Variants in REV3L observed in about 807,000 individuals in gnomAD.
The protein encoded by REV3L is DNA polymerase zeta catalytic subunit.
Under a neutral mutation model 299.4 loss-of-function variants are expected in REV3L, and 69 were observed. The ratio of observed to expected loss-of-function variants is 0.23; its 90% confidence interval spans 0.19 to 0.28. The LOEUF is 0.28. Ranked by LOEUF, REV3L falls within the 10% of genes least tolerant of loss-of-function variation. The pLI is 1.00. For missense variants in REV3L, 3,128 were observed against 3,693.8 expected, an observed-to-expected ratio of 0.85 and a Z score of 3.97; for synonymous variants, 1,238 against 1,271.4, an observed-to-expected ratio of 0.97 and a Z score of 0.56.
intron 26 of REV3L, among the ~76,000 whole-genome samples, chr6:111,318,189 G>A (rs1014689905): frequency 6.6e-6 from 1 of 151,782 alleles, no homozygotes; most frequent in Non-Finnish European, 1.5e-5. Context: ...CTGAGTTCAC[G>A]CCATTCTCCT....
rs1379330829 is a variant in REV3L, at chr6:111,367,361, C to A, written c.6427G>T (p.Asp2143Tyr). Residue 2143 changes from aspartate to tyrosine, a missense_variant, in exon 14 of 32, where the codon GAT becomes TAT. Coordinates refer to ENST00000368802, the MANE Select transcript of REV3L (RefSeq NM_001372078.1). ...SPDSKALNGD[D>Y]RPSSPVEELP... ...TCCTCTACTGGTGATGAGGGTCTAT[C>A]ATCTCCATTTAATGCTTTGGAATCT... The A allele has an allele frequency of 1.2e-6, 2 of 1,607,468 alleles. No individual in the cohort carries two copies.
Position 111,449,213 on chromosome 6 carries a change from G to C in REV3L, c.140-32741C>G, listed in dbSNP as rs909896002. 1.6e-4 allele frequency among the ~76,000 whole-genome samples: 25 copies of C among 152,316 alleles called. No individual in the cohort carries two copies. The East Asian group carries it at 4.2e-3, about 26-fold the overall frequency. On this transcript the variant is annotated intron_variant, in intron 1 of 31. Transcript: ENST00000368802. ...ATTAGACATTGGCCAGCATAGGACA[G>C]TAATCCCTGAGAGACGGGAAACAAA...
At chr6:111,314,385 A>G (rs1204246422) in intron 27 of REV3L, among the ~76,000 whole-genome samples, 2 of 152,184 alleles carry the variant, frequency 1.3e-5, no homozygotes, top group Non-Finnish European at 2.9e-5. Flanking sequence ...AGCCTGGGTC[A>G]TACAAAACAA....
At chr6:111,344,599 CG>C (rs1562155029) in intron 20 of REV3L, among the ~76,000 whole-genome samples, 1 of 152,052 alleles carries the variant, frequency 6.6e-6, no homozygotes, top group Non-Finnish European at 1.5e-5. Context: ...GTTCCAAATA[CG>C]TAAGTGAAAG....
At chr6:111,423,551 T>A (rs34382476) in intron 1 of REV3L, among the ~76,000 whole-genome samples, 8,599 of 152,056 alleles carry the variant, frequency 0.057, 282 homozygotes, top group Middle Eastern at 0.085. Context: ...TGTGTGTGTG[T>A]GAGAGAAAGT....
At chr6:111,321,655 A>G (rs1191300194) in intron 26 of REV3L, among the ~76,000 whole-genome samples, 2 of 152,216 alleles carry the variant, frequency 1.3e-5, no homozygotes, top group Non-Finnish European at 2.9e-5. Flanking sequence ...TTCAGCATTA[A>G]TATGATTATG....
Position 111,479,504 on chromosome 6 carries a change from C to T in REV3L, c.139+3246G>A, listed in dbSNP as rs537616381. Among the ~76,000 whole-genome samples, 7 of 144,738 alleles carry T rather than the reference C, an allele frequency of 4.8e-5. No homozygotes were observed. In the East Asian group the frequency reaches 6.1e-4, roughly 13 times the overall value. 95.0% of individuals were successfully genotyped at this position (144,738 alleles called of 152,430 possible). A position where few individuals can be genotyped will look rare whatever the true frequency, so the allele number is the denominator to read the frequency against. On this transcript the variant is annotated intron_variant, in intron 1 of 31. Transcript: ENST00000368802. The stretch of plus-strand genomic sequence containing the variant: ...TACCATTCAAATCTGAATATCCCCC[C>T]CCGCCTTTTTTTTTTTTTTTTTTAA...
chr6:111,331,630 A>G (rs909008706), intron 24 of REV3L, 46 bp downstream of exon 24: 8 of 1,357,646 alleles, frequency 5.9e-6, no homozygotes, highest in Non-Finnish European at 7.3e-6. Flanking sequence ...CAGCTCTCCA[A>G]AAGTTAAGCC....
In REV3L at chr6:111,480,176, A is replaced by G. The variant is rs1019161529; in HGVS notation, c.139+2574T>C. On this transcript the variant is annotated intron_variant, in intron 1 of 31. Coordinates refer to ENST00000368802, the MANE Select transcript of REV3L (RefSeq NM_001372078.1). ...AAAGTAAAGCATTAAGGACCTCCCA[A>G]AGTAATTCTTATATATGAAAAAAGT... 2.0e-5 allele frequency among the ~76,000 whole-genome samples: 3 copies of G among 152,220 alleles called. No homozygotes were observed. In the South Asian group the frequency reaches 6.2e-4, roughly 31 times the overall value.
Position 111,380,315 on chromosome 6 carries a change from A to C in REV3L, c.1217-96T>G, listed in dbSNP as rs1780703735. Reference sequence around the variant, plus strand: ...CTCACCCAGGCTGGAGTTGGAGTGCAGTGGCGTGATCTAGGCTCACTGCAA... The same window carrying C: ...CTCACCCAGGCTGGAGTTGGAGTGCCGTGGCGTGATCTAGGCTCACTGCAA... On this transcript the variant is annotated intron_variant, in intron 10 of 31. Transcript: ENST00000368802. 4 of 849,830 alleles carry C rather than the reference A, an allele frequency of 4.7e-6. No homozygotes were observed. In the Admixed American group the frequency reaches 9.2e-5, roughly 20 times the overall value. 52.6% of individuals were successfully genotyped at this position (849,830 alleles called of 1,614,324 possible). A position where few individuals can be genotyped will look rare whatever the true frequency, so the allele number is the denominator to read the frequency against.
chr6:111,367,953 G>A lies in REV3L; in HGVS notation c.5835C>T (p.Ser1945=), dbSNP rs2115035023. The part of the protein sequence containing the change: ...NDLAEFEGDF[S]LEGLRLWKTA... ...TTTTCCAAAGACGAAGTCCTTCCAAGGAAAAGTCTCCCTCAAACTCAGCCA... is the reference window on the plus strand; with the variant it reads ...TTTTCCAAAGACGAAGTCCTTCCAAAGAAAAGTCTCCCTCAAACTCAGCCA... The change falls in exon 14 of 32, where the codon TCC becomes TCT. Residue 1945 remains serine (S), a synonymous_variant. Transcript: ENST00000368802. 8.1e-6 allele frequency: 13 copies of A among 1,614,014 alleles called. No homozygotes were observed. Among genetic ancestry groups the A allele is most frequent in the South Asian group, 6.6e-5 (6 of 91,058 alleles).
At chr6:111,421,443 G>C (rs1475979994) in intron 1 of REV3L, among the ~76,000 whole-genome samples, 2 of 152,090 alleles carry the variant, frequency 1.3e-5, no homozygotes. Context: ...TGCTGTTGTA[G>C]CCTGGAAGCA....
intron 26 of REV3L, among the ~76,000 whole-genome samples, chr6:111,319,468 G>GAA (rs79693743): frequency 4.3e-5 from 6 of 138,812 alleles, no homozygotes; most frequent in African/African-American, 1.6e-4. Context: ...TCTGTCTCAG[G>GAA]AAAAAAAAAA....
At chr6:111,346,123 C>T (rs1776997253) in intron 20 of REV3L, among the ~76,000 whole-genome samples, 1 of 152,194 alleles carries the variant, frequency 6.6e-6, no homozygotes, top group Non-Finnish European at 1.5e-5. Context: ...ATTCCGCCTT[C>T]CTGTCTGTTA....
At chr6:111,366,187 TAA>T (rs1485142263) in intron 14 of REV3L, among the ~76,000 whole-genome samples, 1 of 152,158 alleles carries the variant, frequency 6.6e-6, no homozygotes, top group Non-Finnish European at 1.5e-5. Flanking sequence ...CATGTATATA[TAA>T]GTGTGTTGGG....
intron 30 of REV3L, among the ~76,000 whole-genome samples, chr6:111,308,674 TCCTACAC>T (rs1296168550): frequency 6.6e-6 from 1 of 152,234 alleles, no homozygotes; most frequent in Non-Finnish European, 1.5e-5. Flanking sequence ...AGATACTAAA[TCCTACAC>T]CTTTCTTAGA....
intron 3 of REV3L, among the ~76,000 whole-genome samples, 195 bp downstream of exon 3, chr6:111,411,285 T>C (rs777883799): frequency 6.6e-6 from 1 of 152,160 alleles, no homozygotes; most frequent in Non-Finnish European, 1.5e-5. Flanking sequence ...AAAGAAGCAG[T>C]TGGGAGCCTC....
At chr6:111,384,252 G>A (rs1781114600) in intron 9 of REV3L, among the ~76,000 whole-genome samples, 2 of 152,076 alleles carry the variant, frequency 1.3e-5, no homozygotes, top group Non-Finnish European at 2.9e-5. Flanking sequence ...GCAGACAAAT[G>A]GGATCATATC....
At chr6:111,439,887 C>G (rs1250326463) in intron 1 of REV3L, among the ~76,000 whole-genome samples, 10 of 152,178 alleles carry the variant, frequency 6.6e-5, no homozygotes, top group Non-Finnish European at 1.3e-4. Flanking sequence ...CCAACCAGCG[C>G]TTCAAAAGTT....
Sources: allele counts gnomAD v4.1 joint callset (sites outside exome capture counted in the v4.1 genomes callset), GRCh38; gene constraint gnomAD v4.1.1; transcripts MANE v1.5; gene names NCBI Gene and HGNC (gene_info 2026-07-23, HGNC 2026-07-21).